The following CDC45 variants were observed in gnomAD, a reference collection of about 807,000 sequenced individuals.
CDC45 encodes the protein cell division control protein 45 homolog.
A neutral mutation model predicts 77.8 loss-of-function variants in CDC45; 54 were observed. That is an observed-to-expected ratio of 0.69 (90% CI 0.56 to 0.87). CDC45 has a LOEUF of 0.87. CDC45 is among the 40% of genes least tolerant of loss of function. CDC45 has a pLI of 0.00. For missense variants in CDC45, 649 were observed against 721.6 expected (o/e 0.90, Z 1.15); for synonymous variants, 260 against 272.1 (o/e 0.96, Z 0.44).
chr22:19,514,644 A>C (rs1933681398), intron 13 of CDC45, 105 bp from the exon 14 acceptor site: 1 of 934,560 alleles, frequency 1.1e-6, no homozygotes, highest in Non-Finnish European at 1.6e-6. Flanking sequence ...TCTTACCCCC[A>C]AACCTCTTCC....
intron 5 of CDC45, among the ~76,000 whole-genome samples, chr22:19,485,000 G>A (rs570042605): frequency 3.3e-5 from 5 of 151,350 alleles, no homozygotes; most frequent in East Asian, 1.9e-4. Flanking sequence ...CTCAAACTTC[G>A]GGCTCACTCG....
chr22:19,496,104 C>T (rs752577743), intron 7 of CDC45, 75 bp downstream of exon 7: 5 of 1,050,750 alleles, frequency 4.8e-6, no homozygotes, highest in Non-Finnish European at 5.8e-6. Context: ...GAAGAAGAAA[C>T]GTAGATTTTA....
At chr22:19,479,900 CG>C, upstream of CDC45, 1 of 1,510,878 alleles carries the variant, frequency 6.6e-7, no homozygotes. Context: ...CGTGATTTGG[CG>C]GGAGTCTTGA....
At chr22:19,499,061 G>A (rs770473963) in intron 8 of CDC45, 40 bp from the exon 9 acceptor site, 4 of 1,603,332 alleles carry the variant, frequency 2.5e-6, no homozygotes, top group East Asian at 4.5e-5. Flanking sequence ...TTGAGCCCAG[G>A]TGGGCTATAG....
chr22:19,498,097 C>A (rs1243328028), intron 8 of CDC45, among the ~76,000 whole-genome samples: 2 of 152,116 alleles, frequency 1.3e-5, no homozygotes, highest in East Asian at 3.9e-4. Context: ...TCGCTTGAAT[C>A]CGGAAGGCAG....
rs376642146 is a variant in CDC45 at position 19,491,470 on chromosome 22, G to C, written c.487-2857G>C. 2.5e-4 allele frequency among the ~76,000 whole-genome samples: 38 copies of C among 151,456 alleles called. No individual in the cohort carries two copies. The East Asian group carries it at 4.3e-3, about 17-fold the overall frequency. ...TTATTCCTAAAAGGTACTTTTACTGGATGTAGAATTCTGGGTTAATACTTA... is the reference window on the plus strand; with the variant it reads ...TTATTCCTAAAAGGTACTTTTACTGCATGTAGAATTCTGGGTTAATACTTA... On this transcript the variant is annotated intron_variant, in intron 5 of 18. Coordinates refer to ENST00000263201, the MANE Select transcript of CDC45 (RefSeq NM_003504.5).
intron 13 of CDC45, among the ~76,000 whole-genome samples, chr22:19,513,883 T>C (rs894141136): frequency 6.6e-6 from 1 of 152,242 alleles, no homozygotes; most frequent in African/African-American, 2.4e-5. Context: ...TGCCTTACAT[T>C]TTCCATAGCT....
At chr22:19,496,545 C>G (rs1254175462) in intron 7 of CDC45, among the ~76,000 whole-genome samples, 1 of 152,190 alleles carries the variant, frequency 6.6e-6, no homozygotes, top group Admixed American at 6.5e-5. Flanking sequence ...CTCTAAGCAC[C>G]GTATTTCCAG....
chr22:19,509,988 G>A (rs1933422904), intron 13 of CDC45, among the ~76,000 whole-genome samples: 1 of 152,058 alleles, frequency 6.6e-6, no homozygotes, highest in Non-Finnish European at 1.5e-5. Context: ...TAGAGACAGG[G>A]TCTCGCTCTG....
At chr22:19,518,781 CT>C in intron 17 of CDC45, 62 bp from the exon 18 acceptor site, 1 of 1,362,696 alleles carries the variant, frequency 7.3e-7, no homozygotes, top group Admixed American at 1.7e-5. Flanking sequence ...GAGGGGAGTT[CT>C]GTGCCCTGTC....
Position 19,520,207 on chromosome 22 carries a change from G to T in CDC45, c.*2-274G>T, listed in dbSNP as rs1039407223. 2.6e-5 allele frequency among the ~76,000 whole-genome samples: 4 copies of T among 152,196 alleles called. No homozygotes were observed. Among genetic ancestry groups the T allele is most frequent in the African/African-American group, 9.7e-5 (4 of 41,450 alleles). On this transcript the variant is annotated intron_variant, in intron 18 of 18. Coordinates refer to ENST00000263201, the MANE Select transcript of CDC45 (RefSeq NM_003504.5). The surrounding 1 kb of genome is among the most constrained non-coding windows in gnomAD (Gnocchi z 4.5). ...AGGGATGGAGGGAGAGCCCCCATGG[G>T]AGGGTGCCAGGGGGCTGGCTGAGCA...
chr22:19,482,776 G>T lies in CDC45; in HGVS notation c.291G>T (p.Val97=), dbSNP rs144879112. Residue 97 remains valine, a synonymous_variant, in exon 4 of 19, where the codon GTG becomes GTT. Coordinates refer to ENST00000263201, the MANE Select transcript of CDC45 (RefSeq NM_003504.5). The stretch of plus-strand genomic sequence containing the variant: ...CTGATGAAGACACTATATTCTTTGT[G>T]TGTGACACCCATAGGCCAGTCAATG... ...LQPDEDTIFF[V]CDTHRPVNVV... 20 of 1,613,604 alleles carry T rather than the reference G, an allele frequency of 1.2e-5. No homozygotes were observed. Among genetic ancestry groups the T allele is most frequent in the Non-Finnish European group, 1.5e-5 (18 of 1,179,654 alleles).
intron 13 of CDC45, among the ~76,000 whole-genome samples, chr22:19,512,320 G>T (rs1166656037): frequency 6.6e-6 from 1 of 152,172 alleles, no homozygotes; most frequent in Non-Finnish European, 1.5e-5. Flanking sequence ...CTCTCCAGTT[G>T]CCTGGAGTTT....
chr22:19,501,238 T>TG (rs1932892169), intron 9 of CDC45, among the ~76,000 whole-genome samples: 2 of 152,152 alleles, frequency 1.3e-5, no homozygotes, highest in East Asian at 1.9e-4. Context: ...AAGCCCCTTA[T>TG]GGGTATTTGC....
chr22:19,511,555 C>G (rs1387067908), intron 13 of CDC45, among the ~76,000 whole-genome samples: 1 of 152,060 alleles, frequency 6.6e-6, no homozygotes, highest in East Asian at 1.9e-4. Context: ...GTCTCAAACT[C>G]CTGGGCTCAA....
Position 19,483,842 on chromosome 22 carries a change from C to G in CDC45, c.343-20C>G. ...CCGTAGAAAGAGGAGAGGCTTAATTCCTTTTTGTTTTGAACTTAGATCAAA... is the reference window on the plus strand; with the variant it reads ...CCGTAGAAAGAGGAGAGGCTTAATTGCTTTTTGTTTTGAACTTAGATCAAA... On this transcript the variant is annotated intron_variant, in intron 4 of 18. Coordinates refer to ENST00000263201, the MANE Select transcript of CDC45 (RefSeq NM_003504.5). 6.2e-7 allele frequency: 1 copy of G among 1,608,022 alleles called. No homozygotes were observed. The highest frequency in any genetic ancestry group is 1.3e-5 in the African/African-American group (1 of 74,660).
At chr22:19,492,106 A>C (rs1202719197) in intron 5 of CDC45, among the ~76,000 whole-genome samples, 2 of 152,066 alleles carry the variant, frequency 1.3e-5, no homozygotes, top group Non-Finnish European at 2.9e-5. Flanking sequence ...ACACCCAGCC[A>C]GCAGGTTTAT....
chr22:19,505,241 A>G lies in CDC45; in HGVS notation c.705-121A>G, dbSNP rs1395732054. The G allele has an allele frequency of 5.2e-6, 6 of 1,155,814 alleles. No individual in the cohort carries two copies. The East Asian group carries it at 1.4e-4, about 28-fold the overall frequency. 71.6% of individuals were successfully genotyped at this position (1,155,814 alleles called of 1,614,324 possible). On this transcript the variant is annotated intron_variant, in intron 9 of 18. Coordinates refer to ENST00000263201, the MANE Select transcript of CDC45 (RefSeq NM_003504.5). Reference sequence around the variant, plus strand: ...TGCATGTCCTTAGTCCCTGCATGGGAACAGCTCCTGTGGTGAGCAGGCCCC... The same window carrying G: ...TGCATGTCCTTAGTCCCTGCATGGGGACAGCTCCTGTGGTGAGCAGGCCCC...
Position 19,507,769 on chromosome 22 carries a change from T to C in CDC45, c.960T>C (p.Leu320=). 1 of 1,592,346 alleles carries C rather than the reference T, an allele frequency of 6.3e-7. No individual in the cohort carries two copies. Among genetic ancestry groups the C allele is most frequent in the Non-Finnish European group, 8.5e-7 (1 of 1,171,124 alleles). Residue 320 remains leucine, a synonymous_variant, in exon 12 of 19, where the codon CTT becomes CTC. Coordinates refer to ENST00000263201, the MANE Select transcript of CDC45 (RefSeq NM_003504.5). ...RLQEFLADMG[L]PLKQVKQKFQ... ...GGCTTGGGCTTGCTCTTTCCAGTCTTCCCCTGAAGCAGGTGAAGCAGAAGT... is the reference window on the plus strand; with the variant it reads ...GGCTTGGGCTTGCTCTTTCCAGTCTCCCCCTGAAGCAGGTGAAGCAGAAGT...
Sources: allele counts gnomAD v4.1 joint callset (sites outside exome capture counted in the v4.1 genomes callset), GRCh38; gene constraint gnomAD v4.1.1; non-coding constraint Gnocchi (gnomAD v3.1); transcripts MANE v1.5; gene names NCBI Gene and HGNC (gene_info 2026-07-23, HGNC 2026-07-21).